SRRM1: variants seen among roughly 807,000 people sequenced by gnomAD.
SRRM1 encodes the protein serine/arginine repetitive matrix protein 1.
SRRM1 carries 19 observed loss-of-function variants against 110.2 expected under a neutral mutation model. The ratio of observed to expected loss-of-function variants is 0.17; its 90% confidence interval spans 0.12 to 0.25. The LOEUF is 0.25. Among genes scored for constraint, SRRM1 ranks in the 10% least tolerant of loss-of-function variants. SRRM1 has a pLI of 1.00. For synonymous variants in SRRM1, 443 were observed against 414.9 expected (o/e 1.07, Z -0.82); for missense variants, 918 against 1,145.8 (o/e 0.80, Z 2.87).
chr1:24,666,666 G>GA lies in SRRM1; in HGVS notation c.1629-148dup. ...TGTAATCCCAACTACTCAGGAGGCT[G>GA]AGGGGGGAGAATTGCTTGAACCTGG... On this transcript the variant is annotated intron_variant, in intron 12 of 16. Transcript: ENST00000323848. 5.1e-6 allele frequency: 3 copies of GA among 590,466 alleles called. No individual in the cohort carries two copies. In the South Asian group the frequency reaches 6.1e-5, roughly 12 times the overall value. The allele number at this position is 590,466 out of a possible 1,614,324, so 36.6% of individuals were successfully genotyped here.
At position 24,652,436 on chromosome 1, in the gene SRRM1, A is replaced by T; in HGVS notation, c.728A>T (p.Asp243Val). ...AAAAAAAGCTTTTGTTTCCACAGTGACATTCTGAAAGTTCCCAAACCTGAA... is the reference window on the plus strand; with the variant it reads ...AAAAAAAGCTTTTGTTTCCACAGTGTCATTCTGAAAGTTCCCAAACCTGAA... ...PSVQEATSTSDILKVPKPEPI... is the reference protein window; with the variant it reads ...PSVQEATSTSVILKVPKPEPI... The change falls in exon 7 of 17, where the codon GAC (aspartate) becomes GTC (valine). Residue 243 changes from aspartate (D) to valine (V), a missense_variant and splice_region_variant. Physicochemically the swap from Asp to Val is radical, Grantham distance 152. This residue lies in a region of SRRM1 where 456 missense variants were observed against 453.5 expected (regional missense o/e 1.01). Transcript: ENST00000323848. 1 of 1,539,710 alleles carries T rather than the reference A, an allele frequency of 6.5e-7. No homozygotes were observed. Among genetic ancestry groups the T allele is most frequent in the South Asian group, 1.3e-5 (1 of 79,720 alleles).
Position 24,666,821 on chromosome 1 carries a change from A to G in SRRM1, c.1635A>G (p.Arg545=). The G allele has an allele frequency of 1.2e-6, 2 of 1,612,400 alleles. No individual in the cohort carries two copies. Among genetic ancestry groups the G allele is most frequent in the Non-Finnish European group, 1.7e-6 (2 of 1,178,742 alleles). ...ATAATTCTTCTTGGTTTAGTGGTAG[A>G]CGGAGGAGAAGTCCATCCCCACCAC... The part of the protein sequence containing the change: ...KRQKETSPRG[R]RRRSPSPPPT... The change falls in exon 13 of 17, where the codon AGA becomes AGG. Residue 545 remains arginine (R), a synonymous_variant. Transcript: ENST00000323848.
intron 1 of SRRM1, 39 bp from the exon 2 acceptor site, chr1:24,645,945 C>T (rs1041589502): frequency 1.3e-6 from 2 of 1,558,128 alleles, no homozygotes; most frequent in African/African-American, 2.7e-5. Context: ...AAGGATTTAA[C>T]TTTGAACCCT....
intron 12 of SRRM1, among the ~76,000 whole-genome samples, chr1:24,665,006 A>C (rs573997887): frequency 9.3e-4 from 141 of 151,308 alleles, no homozygotes; most frequent in Non-Finnish European, 1.8e-3. Flanking sequence ...CTCGTCATTT[A>C]AAAAGTATTT....
rs563260032 is a variant in SRRM1, at chr1:24,643,488, C to A, written c.21+141C>A. 19 of 568,012 alleles carry A rather than the reference C, an allele frequency of 3.3e-5. 1 individual carries two copies. The highest frequency in any genetic ancestry group is 4.1e-5 in the Non-Finnish European group (16 of 386,204). 35.2% of individuals were successfully genotyped at this position (568,012 alleles called of 1,614,324 possible). On this transcript the variant is annotated intron_variant, in intron 1 of 16. Coordinates refer to ENST00000323848, the MANE Select transcript of SRRM1 (RefSeq NM_005839.4). ...TTCCTCCTAGAGCCGGCGCACCCCC[C>A]CCCCCCCCGTGCGCTGCGGCGGAGA...
intron 13 of SRRM1, 81 bp from the exon 14 acceptor site, chr1:24,669,042 T>C: frequency 8.4e-7 from 1 of 1,193,370 alleles, no homozygotes; most frequent in Non-Finnish European, 1.2e-6. Context: ...AACTACAGTA[T>C]AGCCAAACCT....
In SRRM1 at chr1:24,654,796, C is replaced by T. The variant is rs1663050359; in HGVS notation, c.1041-59C>T. The T allele has an allele frequency of 3.1e-6, 5 of 1,597,302 alleles. No homozygotes were observed. The South Asian group carries it at 4.4e-5, about 14-fold the overall frequency. Reference sequence around the variant, plus strand: ...TGTATTTTTGTGTAAACTGTTCATACCTGTAAGGCCGTTCTTTATAAGTGT... The same window carrying T: ...TGTATTTTTGTGTAAACTGTTCATATCTGTAAGGCCGTTCTTTATAAGTGT... On this transcript the variant is annotated intron_variant, in intron 8 of 16. Coordinates refer to ENST00000323848, the MANE Select transcript of SRRM1 (RefSeq NM_005839.4).
At position 24,672,319 on chromosome 1, in the gene SRRM1, TG is replaced by T. The variant is rs776976886; in HGVS notation, c.*35del. 149 of 1,489,396 alleles carry T rather than the reference TG, an allele frequency of 1.0e-4. No individual in the cohort carries two copies. The highest frequency in any genetic ancestry group is 1.3e-4 in the Non-Finnish European group (137 of 1,087,862). 92.3% of individuals were successfully genotyped at this position (1,489,396 alleles called of 1,614,324 possible). On this transcript the variant is annotated 3_prime_UTR_variant, in exon 17 of 17. Coordinates refer to ENST00000323848, the MANE Select transcript of SRRM1 (RefSeq NM_005839.4). The stretch of plus-strand genomic sequence containing the variant: ...TGTTTGTTATGATGTAAATTTTATT[TG>T]GTTTGTACGCAGTTCAATTTCAAAA...
At position 24,662,766 on chromosome 1, in the gene SRRM1, T is replaced by A. The variant is rs1291111186; in HGVS notation, c.1590T>A (p.Ser530=). Residue 530 remains serine (S), a synonymous_variant, in exon 12 of 17, where the codon TCT becomes TCA. Coordinates refer to ENST00000323848, the MANE Select transcript of SRRM1 (RefSeq NM_005839.4). ...RRRHSPSRSA[S]PSPRKRQKET... The stretch of plus-strand genomic sequence containing the variant: ...GACATTCCCCTTCCCGGAGTGCTTC[T>A]CCATCACCACGAAAGCGCCAAAAAG... 1 of 1,614,088 alleles carries A rather than the reference T, an allele frequency of 6.2e-7. No homozygotes were observed. Among genetic ancestry groups the A allele is most frequent in the Non-Finnish European group, 8.5e-7 (1 of 1,180,038 alleles).
At position 24,643,473 on chromosome 1, in the gene SRRM1, AGCC is replaced by A. The variant is rs901083459; in HGVS notation, c.21+128_21+130del. The A allele has an allele frequency of 7.8e-6, 4 of 513,920 alleles. No homozygotes were observed. The Admixed American group carries it at 2.5e-4, about 32-fold the overall frequency. The allele number at this position is 513,920 out of a possible 1,614,324, so 31.8% of individuals were successfully genotyped here. A position where few individuals can be genotyped will look rare whatever the true frequency, so the allele number is the denominator to read the frequency against. ...CGGAGATCTTAAGGATTCCTCCTAGAGCCGGCGCACCCCCCCCCCCCCCGTGCG... is the reference window on the plus strand; with the variant it reads ...CGGAGATCTTAAGGATTCCTCCTAGAGGCGCACCCCCCCCCCCCCCGTGCG... On this transcript the variant is annotated intron_variant, in intron 1 of 16. Coordinates refer to ENST00000323848, the MANE Select transcript of SRRM1 (RefSeq NM_005839.4).
At chr1:24,660,476 A>G (rs1254663748) in intron 9 of SRRM1, among the ~76,000 whole-genome samples, 1 of 152,164 alleles carries the variant, frequency 6.6e-6, no homozygotes, top group Non-Finnish European at 1.5e-5. Context: ...AGTCACACCC[A>G]TTTTTGTAAT....
At chr1:24,664,203 C>G (rs746640651) in intron 12 of SRRM1, among the ~76,000 whole-genome samples, 3 of 152,008 alleles carry the variant, frequency 2.0e-5, no homozygotes, top group Non-Finnish European at 2.9e-5. Flanking sequence ...GCCATGTTGG[C>G]CAGGATGGTC....
chr1:24,663,097 T>A (rs1668089401), intron 12 of SRRM1: 35 of 1,239,964 alleles, frequency 2.8e-5, no homozygotes, highest in Non-Finnish European at 3.4e-5. Context: ...TATTTAAAAA[T>A]GTCTCCATTA....
rs1671695689 is a variant in SRRM1 at position 24,669,566 on chromosome 1, C to T, written c.2183C>T (p.Pro728Leu). ...CCCATTAGGAGAGTCTCCAGGACTC[C>T]GGAACCTAAAAAGATAAAAAAGTAA... is the stretch of plus-strand genomic sequence containing the variant. ...TRPIRRVSRT[P>L]EPKKIKKAAS... Residue 728 changes from proline to leucine, a missense_variant, in exon 14 of 17, where the codon CCG becomes CTG. Around this residue, in one of 5 missense-constraint regions of SRRM1, gnomAD observed 357 missense variants for 402.9 expected, o/e 0.89. Transcript: ENST00000323848. 3.2e-6 allele frequency: 5 copies of T among 1,580,014 alleles called. No homozygotes were observed. The highest frequency in any genetic ancestry group is 4.3e-6 in the Non-Finnish European group (5 of 1,160,514).
In SRRM1 at chr1:24,652,029, AATATATATATATATATATATAT is replaced by A. The variant is rs1215778545; in HGVS notation, c.726-392_726-371del. 1.6e-4 allele frequency among the ~76,000 whole-genome samples: 13 copies of A among 79,846 alleles called. 1 individual carries two copies. The East Asian group carries it at 2.4e-3, about 15-fold the overall frequency. The allele number at this position is 79,846 out of a possible 152,430, so 52.4% of individuals were successfully genotyped here. A position where few individuals can be genotyped will look rare whatever the true frequency, so the allele number is the denominator to read the frequency against. ...ATGGTGAAACTCCATCTGTACTAAA[AATATATATATATATATATATAT>A]ATATATATATATGTACACACACACA... On this transcript the variant is annotated intron_variant, in intron 6 of 16. Transcript: ENST00000323848.
In SRRM1 at chr1:24,663,335, G is replaced by A. The variant is rs556451725; in HGVS notation, c.1628+531G>A. ...TCTTAAATATATGGTGGCTGTGGCTGTGAATGTGCAGATCCTAAGTTGTTT... is the reference window on the plus strand; with the variant it reads ...TCTTAAATATATGGTGGCTGTGGCTATGAATGTGCAGATCCTAAGTTGTTT... On this transcript the variant is annotated intron_variant, in intron 12 of 16. Coordinates refer to ENST00000323848, the MANE Select transcript of SRRM1 (RefSeq NM_005839.4). The A allele has an allele frequency of 4.1e-5, 30 of 739,772 alleles. No homozygotes were observed. The South Asian group carries it at 7.9e-4, about 19-fold the overall frequency. The allele number at this position is 739,772 out of a possible 1,614,324, so 45.8% of individuals were successfully genotyped here.
At chr1:24,658,756 AT>A (rs1292133614) in intron 9 of SRRM1, among the ~76,000 whole-genome samples, 1 of 152,172 alleles carries the variant, frequency 6.6e-6, no homozygotes, top group Non-Finnish European at 1.5e-5. Context: ...ATTTTAAAAT[AT>A]TTTTATTTCT....
At chr1:24,663,171 C>T (rs1476459439) in intron 12 of SRRM1, 4 of 1,509,432 alleles carry the variant, frequency 2.7e-6, no homozygotes, top group African/African-American at 2.8e-5. Flanking sequence ...TGTTTTTCTC[C>T]ACTGCTCTCA....
At chr1:24,654,010 A>G (rs1340971760) in intron 8 of SRRM1, among the ~76,000 whole-genome samples, 1 of 152,198 alleles carries the variant, frequency 6.6e-6, no homozygotes, top group Admixed American at 6.5e-5. Flanking sequence ...ATATTGAACT[A>G]TTACTACTGT....
Sources: allele counts gnomAD v4.1 joint callset (sites outside exome capture counted in the v4.1 genomes callset), GRCh38; gene constraint gnomAD v4.1.1; regional missense constraint gnomAD v4.1.1; transcripts MANE v1.5; gene names NCBI Gene and HGNC (gene_info 2026-07-23, HGNC 2026-07-21).